Variants in PRKAR1B observed in about 807,000 individuals in gnomAD.
The protein encoded by PRKAR1B is cAMP-dependent protein kinase type I-beta regulatory subunit.
A neutral mutation model predicts 46.5 loss-of-function variants in PRKAR1B; 22 were observed. That is an observed-to-expected ratio of 0.47 (90% CI 0.34 to 0.68). The LOEUF (loss-of-function observed/expected upper bound fraction) is 0.68. PRKAR1B is among the 30% of genes least tolerant of loss of function. PRKAR1B has a pLI of 0.01. For missense variants in PRKAR1B, 445 were observed against 535.6 expected (o/e 0.83, Z 1.67); for synonymous variants, 259 against 217.7 (o/e 1.19, Z -1.67).
intron 2 of PRKAR1B, among the ~76,000 whole-genome samples, chr7:684,294 T>G (rs1453408017): frequency 6.6e-6 from 1 of 152,250 alleles, no homozygotes; most frequent in East Asian, 1.9e-4. Flanking sequence ...ACACGGGGAT[T>G]GCCGGGTGAA....
intron 9 of PRKAR1B, among the ~76,000 whole-genome samples, chr7:553,185 T>TCC (rs1001744470): frequency 6.6e-6 from 1 of 152,166 alleles, no homozygotes; most frequent in African/African-American, 2.4e-5. Flanking sequence ...CCTAGGAATG[T>TCC]CCCGCTGACA....
Position 714,184 on chromosome 7 carries a change from C to CG in PRKAR1B, c.-22-2658dup, listed in dbSNP as rs1311350928. ...ACCTAACCAAGGCGACGTCTCGCTTCGGGGGGCAGATGCTCCAGGCCTGGC... is the reference window on the plus strand; with the variant it reads ...ACCTAACCAAGGCGACGTCTCGCTTCGGGGGGGCAGATGCTCCAGGCCTGGC... On this transcript the variant is annotated intron_variant, in intron 1 of 10. Coordinates refer to ENST00000537384, the MANE Select transcript of PRKAR1B (RefSeq NM_001164760.2). The surrounding 1 kb of genome is among the most constrained non-coding windows in gnomAD (Gnocchi z 4.3). 1.3e-5 allele frequency among the ~76,000 whole-genome samples: 2 copies of CG among 152,132 alleles called. No homozygotes were observed. Among genetic ancestry groups the CG allele is most frequent in the South Asian group, 2.1e-4 (1 of 4,828 alleles).
chr7:640,952 A>G (rs1263228071), intron 4 of PRKAR1B, among the ~76,000 whole-genome samples: 2 of 152,026 alleles, frequency 1.3e-5, no homozygotes, highest in African/African-American at 4.8e-5. Context: ...ACTTTGGAAA[A>G]GAGACAATTC....
At chr7:710,280 A>G (rs1003070159) in intron 2 of PRKAR1B, among the ~76,000 whole-genome samples, 20 of 152,276 alleles carry the variant, frequency 1.3e-4, no homozygotes, top group African/African-American at 4.6e-4. Flanking sequence ...GAGATAGTTA[A>G]GTTGTGATAA....
chr7:678,629 T>C (rs1778476961), intron 3 of PRKAR1B, among the ~76,000 whole-genome samples: 3 of 152,250 alleles, frequency 2.0e-5, no homozygotes. Context: ...GACCTCCTGT[T>C]GTGCCTGGGC....
intron 2 of PRKAR1B, among the ~76,000 whole-genome samples, chr7:683,787 C>T (rs1432661410): frequency 6.6e-6 from 1 of 152,212 alleles, no homozygotes; most frequent in African/African-American, 2.4e-5. Context: ...CACGGAAGGG[C>T]AGCCTGGAGA....
At chr7:660,129 T>A (rs150372200) in intron 4 of PRKAR1B, among the ~76,000 whole-genome samples, 1 of 151,824 alleles carries the variant, frequency 6.6e-6, no homozygotes, top group Non-Finnish European at 1.5e-5. Context: ...CCAGGACAGT[T>A]CCCTCCTGCA....
chr7:633,943 T>C (rs1408574312), intron 4 of PRKAR1B, among the ~76,000 whole-genome samples: 1 of 152,138 alleles, frequency 6.6e-6, no homozygotes. Flanking sequence ...TCGCAGCACT[T>C]TGGGAGACTG....
At chr7:701,340 G>C (rs901795498) in intron 2 of PRKAR1B, among the ~76,000 whole-genome samples, 1 of 151,464 alleles carries the variant, frequency 6.6e-6, no homozygotes, top group African/African-American at 2.4e-5. Context: ...GAAAAGAAAA[G>C]AAAAAGAAAG....
At chr7:634,747 C>A (rs1783948626) in intron 4 of PRKAR1B, among the ~76,000 whole-genome samples, 1 of 151,816 alleles carries the variant, frequency 6.6e-6, no homozygotes, top group African/African-American at 2.4e-5. Context: ...TCCAGTGATT[C>A]CCCTGCCTCA....
intron 9 of PRKAR1B, among the ~76,000 whole-genome samples, chr7:559,930 G>A (rs1778682532): frequency 6.6e-6 from 1 of 152,130 alleles, no homozygotes; most frequent in South Asian, 2.1e-4. Flanking sequence ...AAATTAGCTG[G>A]ACGTGGTGGT....
At chr7:565,790 T>C (rs1432530444) in intron 9 of PRKAR1B, among the ~76,000 whole-genome samples, 93 of 152,156 alleles carry the variant, frequency 6.1e-4, no homozygotes, top group Admixed American at 6.1e-3. Context: ...GACTTCAGAC[T>C]TGGCCCAGCT....
chr7:649,040 T>C (rs949534630), intron 4 of PRKAR1B, among the ~76,000 whole-genome samples: 1 of 152,002 alleles, frequency 6.6e-6, no homozygotes, highest in African/African-American at 2.4e-5. Flanking sequence ...GGCGGGTACC[T>C]GTAATCTCAG....
At chr7:663,676 C>T (rs1380542434) in intron 4 of PRKAR1B, among the ~76,000 whole-genome samples, 1 of 152,136 alleles carries the variant, frequency 6.6e-6, no homozygotes, top group Non-Finnish European at 1.5e-5. Flanking sequence ...TGGGCAGCAG[C>T]GGTGGCCCGA....
Position 655,871 on chromosome 7 carries a change from T to C in PRKAR1B, c.440+21358A>G, listed in dbSNP as rs914212243. Among the ~76,000 whole-genome samples, 8 of 152,242 alleles carry C rather than the reference T, an allele frequency of 5.3e-5. No homozygotes were observed. In the South Asian group the frequency reaches 1.7e-3, roughly 32 times the overall value. On this transcript the variant is annotated intron_variant, in intron 4 of 10. Coordinates refer to ENST00000537384, the MANE Select transcript of PRKAR1B (RefSeq NM_001164760.2). Reference sequence around the variant, plus strand: ...TACCCTCTGGGTGAAACAGAGCAAATGACGCCCCTACTTCCTGGGTCCATT... The same window carrying C: ...TACCCTCTGGGTGAAACAGAGCAAACGACGCCCCTACTTCCTGGGTCCATT...
chr7:631,900 A>T (rs9768406), intron 4 of PRKAR1B, among the ~76,000 whole-genome samples: 113,547 of 151,666 alleles, frequency 0.75, 42,943 homozygotes, highest in South Asian at 0.9. Flanking sequence ...GAGGCTGCAT[A>T]GAGCTGTGAT....
rs138554708 is a variant in PRKAR1B, at chr7:570,251, G to A, written c.891+9005C>T. On this transcript the variant is annotated intron_variant, in intron 9 of 10. Transcript: ENST00000537384. ...AGGTTGACCGCAGGCTCGTGGCAGG[G>A]CCCTGAGGCCAAGGGTGGGCCAGGG... Among the ~76,000 whole-genome samples the A allele has an allele frequency of 3.0e-3, 464 of 152,342 alleles. 5 individuals carry two copies. Among genetic ancestry groups the A allele is most frequent in the East Asian group, 0.015 (80 of 5,166 alleles).
intron 1 of PRKAR1B, among the ~76,000 whole-genome samples, chr7:723,908 C>T (rs35761377): frequency 0.19 from 29,587 of 152,122 alleles, 3,213 homozygotes; most frequent in East Asian, 0.4. Context: ...GATCAGGGTA[C>T]GGGCTGGCTC....
chr7:568,466 T>C (rs1291857570), intron 9 of PRKAR1B, among the ~76,000 whole-genome samples: 1 of 152,186 alleles, frequency 6.6e-6, no homozygotes, highest in Non-Finnish European at 1.5e-5. Context: ...CAGAGACCAT[T>C]GTTCACCACC....
Sources: gnomAD v4.1 joint callset for allele counts (sites outside exome capture counted in the v4.1 genomes callset) on GRCh38, gnomAD v4.1.1 for gene constraint, Gnocchi (gnomAD v3.1) non-coding constraint, MANE v1.5 for transcripts, NCBI Gene and HGNC (gene_info 2026-07-23, HGNC 2026-07-21) for gene names.